The following VAMP7 variants were observed in gnomAD, a reference collection of about 807,000 sequenced individuals.
VAMP7 encodes the protein vesicle associated membrane protein 7.
Under a neutral mutation model 29.6 loss-of-function variants are expected in VAMP7, and 14 were observed. The observed-to-expected ratio is 0.47, with a 90% CI of 0.31 to 0.74. The LOEUF (loss-of-function observed/expected upper bound fraction) is 0.74, where lower values mean the gene tolerates loss of function less well. Among genes scored for constraint, VAMP7 ranks in the 30% least tolerant of loss-of-function variants. The pLI, the probability that VAMP7 is intolerant of heterozygous loss-of-function variation, is 0.05. For missense variants in VAMP7, 223 were observed against 262.4 expected, an observed-to-expected ratio of 0.85 and a Z score of 1.04; for synonymous variants, 95 against 88.1, an observed-to-expected ratio of 1.08 and a Z score of -0.44.
intron 3 of VAMP7, 101 bp downstream of exon 3, chrX:155,895,781 A>G (rs1464558055): frequency 1.0e-6 from 1 of 963,180 alleles, no homozygotes; most frequent in Non-Finnish European, 1.6e-6. Flanking sequence ...CAGGCTGCAG[A>G]CCGGTACAGG....
intron 6 of VAMP7, among the ~76,000 whole-genome samples, chrX:155,921,152 A>G (rs1019633377): frequency 6.6e-6 from 1 of 152,168 alleles, no homozygotes; most frequent in Non-Finnish European, 1.5e-5. Context: ...CAATAGTAGT[A>G]TGATCTGTAC....
chrX:155,932,272 G>A (rs190621257), intron 6 of VAMP7, among the ~76,000 whole-genome samples: 1,648 of 152,194 alleles, frequency 0.011, 26 homozygotes, highest in African/African-American at 0.038. Context: ...GATAGGGATG[G>A]CATTGAATCT....
chrX:155,929,450 C>A (rs769965383), intron 6 of VAMP7, among the ~76,000 whole-genome samples: 2 of 152,162 alleles, frequency 1.3e-5, no homozygotes, highest in East Asian at 1.9e-4. Flanking sequence ...ACAGTTGCCC[C>A]CCCTGGGCAT....
intron 1 of VAMP7, among the ~76,000 whole-genome samples, chrX:155,883,889 A>AT (rs1344981836): frequency 6.7e-6 from 1 of 149,594 alleles, no homozygotes; most frequent in East Asian, 2.0e-4. Flanking sequence ...TTTTTTTTGT[A>AT]TTTTTAGTAG....
At chrX:155,941,589 TTGC>T (rs1340468102) in intron 7 of VAMP7, among the ~76,000 whole-genome samples, 5 of 152,164 alleles carry the variant, frequency 3.3e-5, no homozygotes, top group Non-Finnish European at 7.3e-5. Flanking sequence ...TCAGTATGAG[TTGC>T]TCATTTAGCC....
intron 6 of VAMP7, among the ~76,000 whole-genome samples, chrX:155,935,022 A>G (rs1165893378): frequency 6.6e-6 from 1 of 152,144 alleles, no homozygotes; most frequent in Non-Finnish European, 1.5e-5. Context: ...AATTTTGGAT[A>G]TTGGCCCCCA....
rs760508778 is a variant in VAMP7, at chrX:155,929,056, A to G, written c.501+9176A>G. Among the ~76,000 whole-genome samples, 178 of 152,250 alleles carry G rather than the reference A, an allele frequency of 1.2e-3. 1 individual carries two copies. Among genetic ancestry groups the G allele is most frequent in the African/African-American group, 4.1e-3 (171 of 41,564 alleles). On this transcript the variant is annotated intron_variant, in intron 6 of 7. Coordinates refer to ENST00000286448, the MANE Select transcript of VAMP7 (RefSeq NM_005638.6). ...GTTATTTTGGTCTCATATTTGAACA[A>G]TTTTTTGACTGGTGTAGAATTCTAG...
At chrX:155,933,890 G>A (rs1209872232) in intron 6 of VAMP7, among the ~76,000 whole-genome samples, 3 of 152,080 alleles carry the variant, frequency 2.0e-5, no homozygotes, top group African/African-American at 4.8e-5. Flanking sequence ...AGAGATTCTG[G>A]TATGTTGTGT....
intron 5 of VAMP7, among the ~76,000 whole-genome samples, chrX:155,918,994 G>A (rs1046190726): frequency 2.0e-5 from 3 of 152,116 alleles, no homozygotes; most frequent in African/African-American, 4.8e-5. Context: ...GTATTTCGTT[G>A]AGGATTTTTG....
intron 6 of VAMP7, among the ~76,000 whole-genome samples, chrX:155,937,535 A>G (rs2066678876): frequency 6.6e-6 from 1 of 152,210 alleles, no homozygotes; most frequent in Non-Finnish European, 1.5e-5. Flanking sequence ...CCTTGAATAT[A>G]TACCATTTTT....
At chrX:155,884,420 C>T (rs983577347) in intron 1 of VAMP7, among the ~76,000 whole-genome samples, 9 of 152,182 alleles carry the variant, frequency 5.9e-5, no homozygotes, top group African/African-American at 1.9e-4. Context: ...AACCACTGCG[C>T]CCAGCCAAAA....
At chrX:155,904,800 G>A (rs2066124238) in intron 5 of VAMP7, among the ~76,000 whole-genome samples, 1 of 151,550 alleles carries the variant, frequency 6.6e-6, no homozygotes, top group Admixed American at 6.6e-5. Flanking sequence ...ATGCATTAAT[G>A]CATTTTATGT....
At chrX:155,922,696 G>T (rs2066413217) in intron 6 of VAMP7, among the ~76,000 whole-genome samples, 1 of 151,936 alleles carries the variant, frequency 6.6e-6, no homozygotes. Flanking sequence ...TCAGGAATAT[G>T]CTGGCCTCAT....
chrX:155,943,556 A>G lies in VAMP7; in HGVS notation c.*1605A>G, dbSNP rs1450146633. 1.3e-5 allele frequency: 2 copies of G among 152,270 alleles called. No homozygotes were observed. The highest frequency in any genetic ancestry group is 1.9e-4 in the East Asian group (1 of 5,190). The allele number at this position is 152,270 out of a possible 1,614,324, so 9.4% of individuals were successfully genotyped here. A position where few individuals can be genotyped will look rare whatever the true frequency, so the allele number is the denominator to read the frequency against. On this transcript the variant is annotated 3_prime_UTR_variant, in exon 8 of 8. Coordinates refer to ENST00000286448, the MANE Select transcript of VAMP7 (RefSeq NM_005638.6). ...AGAAAAACATTTGGCATTCCTGAAT[A>G]ATTTCCAAATGTTTTTAATCCAAAG...
chrX:155,942,067 CT>C lies in VAMP7; in HGVS notation c.*118del. On this transcript the variant is annotated 3_prime_UTR_variant, in exon 8 of 8. Transcript: ENST00000286448. The stretch of plus-strand genomic sequence containing the variant: ...GGTATCTGCCAGTCTCTTCAACCCT[CT>C]TCTCACTTTTTAAAATCTTGTTCCA... 2 of 1,586,524 alleles carry C rather than the reference CT, an allele frequency of 1.3e-6. No individual in the cohort carries two copies. Among genetic ancestry groups the C allele is most frequent in the African/African-American group, 2.7e-5 (2 of 74,258 alleles).
intron 2 of VAMP7, among the ~76,000 whole-genome samples, chrX:155,893,121 G>A (rs944906743): frequency 6.6e-6 from 1 of 152,118 alleles, no homozygotes; most frequent in African/African-American, 2.4e-5. Context: ...TGATGGCAGG[G>A]ATCATACCTT....
intron 6 of VAMP7, among the ~76,000 whole-genome samples, chrX:155,926,019 C>G (rs2066462028): frequency 6.6e-6 from 1 of 152,174 alleles, no homozygotes; most frequent in Non-Finnish European, 1.5e-5. Context: ...CACAGATCTT[C>G]TGTACACCAT....
Position 155,942,102 on chromosome X carries a change from G to T in VAMP7, c.*151G>T. 1 of 1,554,820 alleles carries T rather than the reference G, an allele frequency of 6.4e-7. No individual in the cohort carries two copies. The highest frequency in any genetic ancestry group is 8.7e-7 in the Non-Finnish European group (1 of 1,148,478). ...TTTAAAATCTTGTTCCATGCCTCCAGGTTTATCTTTGTCTTATCTACCAGT... is the reference window on the plus strand; with the variant it reads ...TTTAAAATCTTGTTCCATGCCTCCATGTTTATCTTTGTCTTATCTACCAGT... On this transcript the variant is annotated 3_prime_UTR_variant, in exon 8 of 8. Coordinates refer to ENST00000286448, the MANE Select transcript of VAMP7 (RefSeq NM_005638.6).
intron 6 of VAMP7, among the ~76,000 whole-genome samples, chrX:155,927,186 CAGTG>C (rs1351833599): frequency 6.6e-6 from 1 of 151,806 alleles, no homozygotes; most frequent in Non-Finnish European, 1.5e-5. Context: ...CACATGGACA[CAGTG>C]AGGGGAACAT....
Sources: allele counts gnomAD v4.1 joint callset (sites outside exome capture counted in the v4.1 genomes callset), GRCh38; gene constraint gnomAD v4.1.1; transcripts MANE v1.5; gene names NCBI Gene and HGNC (gene_info 2026-07-23, HGNC 2026-07-21).